The following COL6A6 variants were observed in gnomAD, a reference collection of about 807,000 sequenced individuals.
COL6A6 encodes collagen alpha-6(VI) chain.
A neutral mutation model predicts 208.6 loss-of-function variants in COL6A6; 183 were observed. That is an observed-to-expected ratio of 0.88 (90% CI 0.78 to 0.99). The LOEUF is 0.99. Ranked by LOEUF, COL6A6 falls within the 50% of genes least tolerant of loss-of-function variation. The pLI is 0.00. For synonymous variants in COL6A6, 973 were observed against 1,011.8 expected, an observed-to-expected ratio of 0.96 and a Z score of 0.73; for missense variants, 2,816 against 2,815.2, an observed-to-expected ratio of 1.00 and a Z score of -0.01.
intron 36 of COL6A6, among the ~76,000 whole-genome samples, chr3:130,667,393 C>T (rs975795830): frequency 4.6e-5 from 7 of 152,050 alleles, no homozygotes; most frequent in African/African-American, 1.2e-4. Context: ...TGCACCACCA[C>T]GCCTGGCTAA....
rs1319257913 is a variant in COL6A6 at position 130,568,496 on chromosome 3, C to T, written c.2293C>T (p.Leu765Phe). Reference protein sequence around the residue: ...VGVFGSNVTQLEEISGRPEMV... With the variant: ...VGVFGSNVTQFEEISGRPEMV... ...AGTGTTTGGCTCCAATGTCACCCAG[C>T]TTGAGGAGATCAGTGGGAGGCCCGA... The change falls in exon 6 of 37, where the codon CTT becomes TTT. Residue 765 changes from leucine to phenylalanine, a missense_variant. Transcript: ENST00000358511. 1 of 1,613,750 alleles carries T rather than the reference C, an allele frequency of 6.2e-7. No individual in the cohort carries two copies. The highest frequency in any genetic ancestry group is 1.1e-5 in the South Asian group (1 of 91,072).
rs778201799 is a variant in COL6A6 at position 130,566,905 on chromosome 3, A to G, written c.1486A>G (p.Lys496Glu). ...LEFEINKYSN[K>E]QDLGKAIENI... is the part of the protein sequence containing the mutation. ...ATTTGAGATCAATAAATACTCCAAC[A>G]AGCAGGATTTGGGAAAGGCCATTGA... is the stretch of plus-strand genomic sequence containing the variant. The change falls in exon 5 of 37, where the codon AAG (lysine) becomes GAG (glutamate). Residue 496 changes from lysine to glutamate, a missense_variant. Lys to Glu is a moderately conservative substitution (Grantham distance 56, BLOSUM62 1). Transcript: ENST00000358511. 5.0e-6 allele frequency: 8 copies of G among 1,613,862 alleles called. No homozygotes were observed. The highest frequency in any genetic ancestry group is 6.8e-6 in the Non-Finnish European group (8 of 1,179,858).
chr3:130,589,928 T>C, intron 12 of COL6A6: 1 of 442,116 alleles, frequency 2.3e-6, no homozygotes, highest in Non-Finnish European at 4.5e-6. Flanking sequence ...TGTCTCTGAA[T>C]ATGTCTCTGA....
At chr3:130,519,547 C>G (rs1158270853) in intron 1 of COL6A6, among the ~76,000 whole-genome samples, 1 of 151,700 alleles carries the variant, frequency 6.6e-6, no homozygotes, top group Non-Finnish European at 1.5e-5. Context: ...ATTTTTTTTC[C>G]TTTCCTGACC....
chr3:130,628,653 G>A (rs1430485556), intron 26 of COL6A6, among the ~76,000 whole-genome samples: 1 of 152,094 alleles, frequency 6.6e-6, no homozygotes, highest in African/African-American at 2.4e-5. Context: ...GTAAACAGAG[G>A]ACCCTAAAAT....
At chr3:130,664,967 TGAATACAA>T (rs905330237) in intron 35 of COL6A6, 28 bp from the exon 36 acceptor site, 1 of 1,375,838 alleles carries the variant, frequency 7.3e-7, no homozygotes, top group African/African-American at 1.4e-5. Context: ...TTAACAGTCA[TGAATACAA>T]GACTTATCAC....
chr3:130,618,212 G>A (rs182812067), intron 23 of COL6A6, among the ~76,000 whole-genome samples: 4 of 152,280 alleles, frequency 2.6e-5, no homozygotes, highest in African/African-American at 7.2e-5. Context: ...TGGGACTTTA[G>A]TCTTTAGAGT....
intron 1 of COL6A6, among the ~76,000 whole-genome samples, chr3:130,521,761 G>A (rs1711085164): frequency 6.6e-6 from 1 of 152,180 alleles, no homozygotes; most frequent in African/African-American, 2.4e-5. Flanking sequence ...CACCCCTGGA[G>A]CAATACCTTA....
rs373854074 is a variant in COL6A6 at position 130,661,789 on chromosome 3, T to C, written c.5983T>C (p.Phe1995Leu). 43 of 1,613,804 alleles carry C rather than the reference T, an allele frequency of 2.7e-5. No individual in the cohort carries two copies. Among genetic ancestry groups the C allele is most frequent in the Middle Eastern group, 1.6e-4 (1 of 6,084 alleles). ...RAFLGALLDH[F>L]EITPEPETSV... is the part of the protein sequence containing the mutation. ...CTTCCTTGGAGCACTATTAGATCACTTTGAAATCACCCCAGAGCCGGAGAC... is the reference window on the plus strand; with the variant it reads ...CTTCCTTGGAGCACTATTAGATCACCTTGAAATCACCCCAGAGCCGGAGAC... The change falls in exon 35 of 37, where the codon TTT becomes CTT. Residue 1995 changes from phenylalanine (F) to leucine (L), a missense_variant. Transcript: ENST00000358511.
chr3:130,564,862 C>T (rs890056756), intron 3 of COL6A6, 132 bp from the exon 4 acceptor site: 11 of 1,037,608 alleles, frequency 1.1e-5, no homozygotes, highest in Non-Finnish European at 1.4e-5. Context: ...ACCTCAACTT[C>T]ATAATTATTT....
Position 130,563,325 on chromosome 3 carries a change from G to A in COL6A6, c.322G>A (p.Gly108Arg). 1 of 1,613,968 alleles carries A rather than the reference G, an allele frequency of 6.2e-7. No homozygotes were observed. Among genetic ancestry groups the A allele is most frequent in the Non-Finnish European group, 8.5e-7 (1 of 1,179,872 alleles). ...ATTCATTGGCGGGTCCCTGCAGATA[G>A]GAAAGGCTCTTCAGGAGGCTCACAG... is the stretch of plus-strand genomic sequence containing the variant. The part of the protein sequence containing the change: ...FGFIGGSLQI[G>R]KALQEAHRTY... Residue 108 changes from glycine to arginine, a missense_variant, in exon 3 of 37, where the codon GGA becomes AGA. Gly to Arg is a moderately radical substitution (Grantham distance 125, BLOSUM62 -2). Transcript: ENST00000358511.
At position 130,621,843 on chromosome 3, in the gene COL6A6, A is replaced by G; in HGVS notation, c.4838A>G (p.Glu1613Gly). 1 of 1,613,896 alleles carries G rather than the reference A, an allele frequency of 6.2e-7. No individual in the cohort carries two copies. The highest frequency in any genetic ancestry group is 8.5e-7 in the Non-Finnish European group (1 of 1,179,840). The change falls in exon 24 of 37, where the codon GAG (glutamate) becomes GGG (glycine). Residue 1613 changes from glutamate (E) to glycine (G), a missense_variant. Glu to Gly is a moderately conservative substitution (Grantham distance 98). Transcript: ENST00000358511. ...GPQGPPGPGG[E>G]AGNQGRLGSQ... ...CAGGGGCCTCCAGGACCCGGAGGAGAGGCAGGGAATCAAGGCCGTTTGGGA... is the reference window on the plus strand; with the variant it reads ...CAGGGGCCTCCAGGACCCGGAGGAGGGGCAGGGAATCAAGGCCGTTTGGGA...
chr3:130,603,749 C>T (rs1055435527), intron 20 of COL6A6, among the ~76,000 whole-genome samples: 1 of 152,184 alleles, frequency 6.6e-6, no homozygotes, highest in Non-Finnish European at 1.5e-5. Context: ...AATTGTTCAT[C>T]ATTGTAAATG....
intron 1 of COL6A6, among the ~76,000 whole-genome samples, chr3:130,522,843 T>C (rs1228141514): frequency 1.3e-5 from 2 of 151,288 alleles, no homozygotes; most frequent in Non-Finnish European, 2.9e-5. Context: ...TTCTCTCCAT[T>C]CTCCTTGTCA....
chr3:130,527,890 CTTTTT>C (rs56110472), intron 1 of COL6A6, among the ~76,000 whole-genome samples: 2 of 57,840 alleles, frequency 3.5e-5, no homozygotes, highest in African/African-American at 6.1e-5. Flanking sequence ...GTTACTTTTC[CTTTTT>C]TTTTTTTTTT....
intron 1 of COL6A6, among the ~76,000 whole-genome samples, chr3:130,523,997 T>C (rs1711232546): frequency 6.6e-6 from 1 of 152,152 alleles, no homozygotes; most frequent in South Asian, 2.1e-4. Context: ...TCCTCCGTGG[T>C]TTTTTCTTTC....
At position 130,608,943 on chromosome 3, in the gene COL6A6, C is replaced by G. The variant is rs778145639; in HGVS notation, c.4731C>G (p.Ser1577=). 11 of 1,613,032 alleles carry G rather than the reference C, an allele frequency of 6.8e-6. No homozygotes were observed. In the Admixed American group the frequency reaches 1.7e-4, roughly 24 times the overall value. The change falls in exon 22 of 37, where the codon TCC becomes TCG. Residue 1577 remains serine (S), a synonymous_variant. Transcript: ENST00000358511. ...CAGGACCAGATGGACTTGAAGGCTCCCTGGGACTTAAGGGCCCTCAGGTAC... is the reference window on the plus strand; with the variant it reads ...CAGGACCAGATGGACTTGAAGGCTCGCTGGGACTTAAGGGCCCTCAGGTAC... ...GIPGPDGLEG[S]LGLKGPQGPR...
Position 130,608,909 on chromosome 3 carries a change from C to T in COL6A6, c.4697C>T (p.Ala1566Val). The change falls in exon 22 of 37, where the codon GCA becomes GTA. Residue 1566 changes from alanine to valine, a missense_variant. Ala to Val is a moderately conservative substitution (Grantham distance 64). Coordinates refer to ENST00000358511, the MANE Select transcript of COL6A6 (RefSeq NM_001102608.3). ...GATTCTTTCTCGCCACAGGGAACAGCAGGCATCCCAGGACCAGATGGACTT... is the reference window on the plus strand; with the variant it reads ...GATTCTTTCTCGCCACAGGGAACAGTAGGCATCCCAGGACCAGATGGACTT... ...RRGHTGPQGT[A>V]GIPGPDGLEG... 1 of 1,612,672 alleles carries T rather than the reference C, an allele frequency of 6.2e-7. No homozygotes were observed. Among genetic ancestry groups the T allele is most frequent in the Non-Finnish European group, 8.5e-7 (1 of 1,179,394 alleles).
chr3:130,535,730 C>G (rs2062207716), intron 1 of COL6A6, among the ~76,000 whole-genome samples: 1 of 152,178 alleles, frequency 6.6e-6, no homozygotes, highest in Non-Finnish European at 1.5e-5. Context: ...CAGTTTGGGA[C>G]TCCTGTACCA....
Sources: allele counts gnomAD v4.1 joint callset (sites outside exome capture counted in the v4.1 genomes callset), GRCh38; gene constraint gnomAD v4.1.1; transcripts MANE v1.5; gene names NCBI Gene and HGNC (gene_info 2026-07-23, HGNC 2026-07-21).